The following MRTFB variants were observed in gnomAD, a reference collection of about 807,000 sequenced individuals.
The protein encoded by MRTFB is myocardin related transcription factor B.
In MRTFB, 29 loss-of-function variants were observed where a neutral mutation model predicts 104.2. The observed-to-expected ratio is 0.28, with a 90% CI of 0.21 to 0.38. The LOEUF is 0.38. MRTFB is among the 10% of genes least tolerant of loss of function. The pLI is 1.00. For missense variants in MRTFB, 1,270 were observed against 1,341.6 expected (o/e 0.95, Z 0.83); for synonymous variants, 535 against 519.5 (o/e 1.03, Z -0.41).
chr16:14,252,288 A>G, intron 14 of MRTFB, 77 bp from the exon 15 acceptor site: 1 of 1,557,872 alleles, frequency 6.4e-7, no homozygotes, highest in Non-Finnish European at 8.7e-7. Flanking sequence ...CATAGAGAAC[A>G]GCAGAGCCGA....
the MRTFB span, among the ~76,000 whole-genome samples, chr16:14,037,890 C>A: frequency 6.6e-6 from 1 of 152,180 alleles, no homozygotes; most frequent in Admixed American, 6.5e-5. Context: ...AAGGAGCTCT[C>A]ATTTCTGTTC....
chr16:14,149,820 G>A (rs2038521605), intron 3 of MRTFB, among the ~76,000 whole-genome samples: 1 of 152,158 alleles, frequency 6.6e-6, no homozygotes, highest in African/African-American at 2.4e-5. Flanking sequence ...GATGATTCTT[G>A]TGGATAACTG....
intron 3 of MRTFB, among the ~76,000 whole-genome samples, chr16:14,154,352 A>T (rs1007042603): frequency 6.6e-5 from 10 of 152,200 alleles, no homozygotes; most frequent in African/African-American, 2.4e-4. Context: ...AAAATTTTTT[A>T]AATGTTAAGG....
At chr16:14,122,187 CTATTTAAT>C (rs2036878995) in intron 2 of MRTFB, among the ~76,000 whole-genome samples, 1 of 150,054 alleles carries the variant, frequency 6.7e-6, no homozygotes, top group Non-Finnish European at 1.5e-5. Flanking sequence ...TTAACTTTTT[CTATTTAAT>C]TATGTATCAT....
At chr16:14,077,740 C>T (rs185125438) in intron 1 of MRTFB, among the ~76,000 whole-genome samples, 192 of 152,174 alleles carry the variant, frequency 1.3e-3, no homozygotes, top group Non-Finnish European at 2.0e-3. Context: ...TGAAACTCAT[C>T]GCTTAGTGCC....
At chr16:14,094,446 T>A (rs2035250404) in intron 2 of MRTFB, among the ~76,000 whole-genome samples, 1 of 152,208 alleles carries the variant, frequency 6.6e-6, no homozygotes, top group African/African-American at 2.4e-5. Context: ...TGATTATAAG[T>A]TTTACATATA....
In MRTFB at chr16:14,261,372, C is replaced by T. The variant is rs2043772026; in HGVS notation, c.3228C>T (p.Leu1076=). 1.2e-6 allele frequency: 2 copies of T among 1,614,174 alleles called. No homozygotes were observed. Among genetic ancestry groups the T allele is most frequent in the Non-Finnish European group, 1.7e-6 (2 of 1,180,026 alleles). Residue 1076 remains leucine (L), a synonymous_variant, in exon 17 of 17, where the codon CTC becomes CTT. Coordinates refer to ENST00000571589, the MANE Select transcript of MRTFB (RefSeq NM_001308142.2). ...MPNSSSGLTP[L]STTAPSMFSA... is the part of the protein sequence containing the mutation. ...ACTCCTCTTCAGGACTCACTCCTCT[C>T]AGCACCACCGCGCCGAGCATGTTCT...
intron 3 of MRTFB, among the ~76,000 whole-genome samples, chr16:14,178,522 G>A (rs2039660861): frequency 6.6e-6 from 1 of 152,064 alleles, no homozygotes; most frequent in African/African-American, 2.4e-5. Context: ...TAACTCCCAA[G>A]ATAGTAAAAT....
At chr16:14,152,930 A>G (rs916348605) in intron 3 of MRTFB, 2 of 152,224 alleles carry the variant, frequency 1.3e-5, no homozygotes, top group Non-Finnish European at 2.9e-5. Flanking sequence ...TGTTGTAGGA[A>G]TGTAATATAT....
the MRTFB span, among the ~76,000 whole-genome samples, chr16:14,032,104 G>A: frequency 1.3e-5 from 2 of 152,200 alleles, no homozygotes; most frequent in Non-Finnish European, 1.5e-5. Flanking sequence ...CACTGACCTG[G>A]CCTAATGAGG....
the MRTFB span, among the ~76,000 whole-genome samples, chr16:14,006,014 C>A: frequency 6.6e-6 from 1 of 151,702 alleles, no homozygotes; most frequent in African/African-American, 2.4e-5. Flanking sequence ...TGGAGACCAT[C>A]CTGGCCAACA....
the MRTFB span, among the ~76,000 whole-genome samples, chr16:13,999,049 G>A: frequency 4.0e-5 from 6 of 151,698 alleles, no homozygotes; most frequent in Non-Finnish European, 8.8e-5. Flanking sequence ...AATTAGCCAG[G>A]CGTGGTAGCA....
At chr16:14,222,453 C>A (rs1425710587) in intron 8 of MRTFB, among the ~76,000 whole-genome samples, 1 of 151,804 alleles carries the variant, frequency 6.6e-6, no homozygotes, top group Non-Finnish European at 1.5e-5. Flanking sequence ...CACCAGCTAT[C>A]GTTAATGTTA....
At chr16:14,178,473 C>A (rs2039658891) in intron 3 of MRTFB, among the ~76,000 whole-genome samples, 1 of 152,210 alleles carries the variant, frequency 6.6e-6, no homozygotes, top group Non-Finnish European at 1.5e-5. Flanking sequence ...GGCTCCTTAA[C>A]TTCTCAAGCT....
intron 2 of MRTFB, among the ~76,000 whole-genome samples, chr16:14,134,271 T>C (rs72783498): frequency 0.059 from 8,917 of 152,298 alleles, 520 homozygotes; most frequent in East Asian, 0.3. Flanking sequence ...TTTTATAGTA[T>C]ATTTTTTCTG....
chr16:14,166,409 C>CA (rs1487857272), intron 3 of MRTFB, among the ~76,000 whole-genome samples: 2 of 151,892 alleles, frequency 1.3e-5, no homozygotes, highest in African/African-American at 4.8e-5. Flanking sequence ...TCATGCATTT[C>CA]AAAAAAGAAT....
chr16:14,004,741 G>C, the MRTFB span, among the ~76,000 whole-genome samples: 1 of 152,246 alleles, frequency 6.6e-6, no homozygotes, highest in African/African-American at 2.4e-5. Flanking sequence ...CTGACATTTG[G>C]AAGAGGAAGC....
chr16:14,015,955 G>C, the MRTFB span: 1 of 398,632 alleles, frequency 2.5e-6, no homozygotes, highest in Non-Finnish European at 4.4e-6. Context: ...AGGCTGGCTG[G>C]TTCATCTTTT....
At chr16:14,246,405 A>C in intron 11 of MRTFB, 68 bp from the exon 12 acceptor site, 1 of 1,514,096 alleles carries the variant, frequency 6.6e-7, no homozygotes, top group East Asian at 2.3e-5. Flanking sequence ...CTTTCCCATC[A>C]CAAAAGCGTA....
Sources: allele counts gnomAD v4.1 joint callset (sites outside exome capture counted in the v4.1 genomes callset), GRCh38; gene constraint gnomAD v4.1.1; transcripts MANE v1.5; gene names NCBI Gene and HGNC (gene_info 2026-07-23, HGNC 2026-07-21).